DSCAM: variants seen among roughly 807,000 people sequenced by gnomAD.
DSCAM encodes the protein cell adhesion molecule DSCAM.
DSCAM carries 47 observed loss-of-function variants against 217.7 expected under a neutral mutation model. That is an observed-to-expected ratio of 0.22 (90% CI 0.17 to 0.28). DSCAM has a LOEUF of 0.28. DSCAM is among the 10% of genes least tolerant of loss of function. The probability of loss-of-function intolerance (pLI) is 1.00; values close to 1 mark genes in which losing one functional copy is unlikely to be tolerated. For synonymous variants in DSCAM, 1,056 were observed against 1,015.3 expected (o/e 1.04, Z -0.76); for missense variants, 2,080 against 2,618.3 (o/e 0.79, Z 4.49).
At chr21:40,517,610 T>G (rs1406693300) in intron 3 of DSCAM, among the ~76,000 whole-genome samples, 1 of 150,066 alleles carries the variant, frequency 6.7e-6, no homozygotes, top group East Asian at 2.0e-4. Context: ...AGTCTTAATG[T>G]GCATTTAGCC....
intron 3 of DSCAM, among the ~76,000 whole-genome samples, chr21:40,579,421 A>G (rs906938615): frequency 6.6e-6 from 1 of 152,130 alleles, no homozygotes; most frequent in Non-Finnish European, 1.5e-5. Flanking sequence ...GATATAGAGA[A>G]AAGAATGATA....
In DSCAM at chr21:40,811,509, G is replaced by A. The variant is rs535333892; in HGVS notation, c.43+35110C>T. On this transcript the variant is annotated intron_variant, in intron 1 of 32. Transcript: ENST00000400454. ...AAAGTGTGTTCTAAAGAGTTTTAACGTTCACCCATCAATGGGCGCACGTGG... is the reference window on the plus strand; with the variant it reads ...AAAGTGTGTTCTAAAGAGTTTTAACATTCACCCATCAATGGGCGCACGTGG... Among the ~76,000 whole-genome samples the A allele has an allele frequency of 4.6e-5, 7 of 152,180 alleles. No individual in the cohort carries two copies. The South Asian group carries it at 8.3e-4, about 18-fold the overall frequency.
At chr21:40,708,424 A>C in intron 2 of DSCAM, 30 bp downstream of exon 2, 1 of 1,386,164 alleles carries the variant, frequency 7.2e-7, no homozygotes. Context: ...AAGCAGGCAC[A>C]GAAAAAACAA....
At chr21:40,341,576 C>T (rs2074491798) in intron 6 of DSCAM, among the ~76,000 whole-genome samples, 1 of 152,126 alleles carries the variant, frequency 6.6e-6, no homozygotes, top group Admixed American at 6.5e-5. Flanking sequence ...ACCAAAATTC[C>T]TTAAGTGCTC....
At chr21:40,310,378 G>A (rs998717128) in intron 9 of DSCAM, among the ~76,000 whole-genome samples, 1 of 152,190 alleles carries the variant, frequency 6.6e-6, no homozygotes, top group Non-Finnish European at 1.5e-5. Context: ...CCTTGTCCCT[G>A]CCTGTTTCTC....
intron 1 of DSCAM, among the ~76,000 whole-genome samples, chr21:40,825,443 G>T (rs1005349917): frequency 6.6e-6 from 1 of 151,816 alleles, no homozygotes; most frequent in Non-Finnish European, 1.5e-5. Flanking sequence ...TCAGCTTCCC[G>T]AGTAGCTGGA....
At chr21:40,410,037 C>CA (rs936482092) in intron 3 of DSCAM, among the ~76,000 whole-genome samples, 6 of 151,076 alleles carry the variant, frequency 4.0e-5, no homozygotes, top group African/African-American at 1.5e-4. Flanking sequence ...TTTAACAGTC[C>CA]AAAAAATAAA....
At chr21:40,787,912 C>A (rs574506507) in intron 1 of DSCAM, among the ~76,000 whole-genome samples, 1 of 152,028 alleles carries the variant, frequency 6.6e-6, no homozygotes, top group Non-Finnish European at 1.5e-5. Flanking sequence ...AATAGCAAAC[C>A]TGAAGTAGTA....
At chr21:40,816,434 C>A (rs1233576758) in intron 1 of DSCAM, among the ~76,000 whole-genome samples, 3 of 152,130 alleles carry the variant, frequency 2.0e-5, no homozygotes, top group African/African-American at 7.2e-5. Context: ...CAAAAATTAG[C>A]CAGGTGTGGT....
At chr21:40,221,454 A>G (rs146971018) in intron 11 of DSCAM, among the ~76,000 whole-genome samples, 1 of 148,652 alleles carries the variant, frequency 6.7e-6, no homozygotes, top group African/African-American at 2.4e-5. Flanking sequence ...ATAACATAAA[A>G]TATATATGAT....
chr21:40,528,919 T>G (rs2076421462), intron 3 of DSCAM, among the ~76,000 whole-genome samples: 1 of 145,984 alleles, frequency 6.9e-6, no homozygotes, highest in Non-Finnish European at 1.5e-5. Context: ...TTTTTTTTTT[T>G]TTGAGATGGA....
intron 1 of DSCAM, among the ~76,000 whole-genome samples, chr21:40,839,279 C>CA (rs1202043710): frequency 6.6e-6 from 1 of 152,164 alleles, no homozygotes; most frequent in Non-Finnish European, 1.5e-5. Context: ...AACAGGTTAA[C>CA]ATGGAGGGAC....
At chr21:40,214,799 T>C (rs1175067171) in intron 11 of DSCAM, among the ~76,000 whole-genome samples, 1 of 136,196 alleles carries the variant, frequency 7.3e-6, no homozygotes, top group Non-Finnish European at 1.6e-5. Flanking sequence ...TATATAATGA[T>C]AAAATGACCA....
At chr21:40,281,033 C>A (rs1411453427) in intron 10 of DSCAM, among the ~76,000 whole-genome samples, 3 of 152,184 alleles carry the variant, frequency 2.0e-5, no homozygotes, top group Non-Finnish European at 4.4e-5. Context: ...CAGCCAACCC[C>A]TTGGCTGCAA....
chr21:40,208,436 A>G (rs1230627787), intron 11 of DSCAM, among the ~76,000 whole-genome samples: 3 of 152,216 alleles, frequency 2.0e-5, no homozygotes, highest in Non-Finnish European at 4.4e-5. Flanking sequence ...CCTGGGCAAC[A>G]CATTTCTGGG....
At chr21:40,048,766 T>C (rs1012464208) in intron 30 of DSCAM, among the ~76,000 whole-genome samples, 2 of 152,148 alleles carry the variant, frequency 1.3e-5, no homozygotes, top group African/African-American at 4.8e-5. Context: ...AAGAACCGGC[T>C]CCATGGAATT....
chr21:40,030,780 T>A (rs183169087), intron 32 of DSCAM, among the ~76,000 whole-genome samples: 1 of 152,240 alleles, frequency 6.6e-6, no homozygotes, highest in East Asian at 1.9e-4. Flanking sequence ...AGGGCTCTTA[T>A]AGAATTTCAG....
At chr21:40,446,607 T>C (rs2075676876) in intron 3 of DSCAM, among the ~76,000 whole-genome samples, 1 of 152,160 alleles carries the variant, frequency 6.6e-6, no homozygotes, top group Non-Finnish European at 1.5e-5. Flanking sequence ...AGCAAATGTG[T>C]TTAGTGTGTG....
At chr21:40,132,259 T>C (rs904857316) in intron 19 of DSCAM, among the ~76,000 whole-genome samples, 2 of 152,220 alleles carry the variant, frequency 1.3e-5, no homozygotes, top group Non-Finnish European at 2.9e-5. Flanking sequence ...CTGTGCAGTC[T>C]GATGGCTACA....
Sources: gnomAD v4.1 joint callset for allele counts (sites outside exome capture counted in the v4.1 genomes callset) on GRCh38, gnomAD v4.1.1 for gene constraint, MANE v1.5 for transcripts, NCBI Gene and HGNC (gene_info 2026-07-23, HGNC 2026-07-21) for gene names.